The following RBFOX1 variants were observed in gnomAD, a reference collection of about 807,000 sequenced individuals.
RBFOX1 encodes RNA binding fox-1 homolog 1.
In RBFOX1, 8 loss-of-function variants were observed where a neutral mutation model predicts 57.7. That is an observed-to-expected ratio of 0.14 (90% CI 0.08 to 0.25). The LOEUF (loss-of-function observed/expected upper bound fraction) is 0.25, where lower values mean the gene tolerates loss of function less well. Among genes scored for constraint, RBFOX1 ranks in the 10% least tolerant of loss-of-function variants. The probability of loss-of-function intolerance (pLI) is 1.00; values close to 1 mark genes in which losing one functional copy is unlikely to be tolerated. For synonymous variants in RBFOX1, 326 were observed against 222.4 expected (o/e 1.47, Z -4.15); for missense variants, 611 against 548.5 (o/e 1.11, Z -1.14).
chr16:6,101,331 A>G (rs2096305178), intron 1 of RBFOX1, among the ~76,000 whole-genome samples: 1 of 152,204 alleles, frequency 6.6e-6, no homozygotes, highest in South Asian at 2.1e-4. Context: ...TAAAAACCAC[A>G]GAGCATTTTC....
chr16:5,588,072 T>A (rs1308669156), intron 2 of RBFOX1, among the ~76,000 whole-genome samples: 13 of 152,180 alleles, frequency 8.5e-5, no homozygotes, highest in Non-Finnish European at 1.5e-5. Flanking sequence ...TGTTTGAACC[T>A]TGGGAACATG....
intron 3 of RBFOX1, among the ~76,000 whole-genome samples, chr16:7,051,800 G>C (rs1008024166): frequency 6.6e-6 from 1 of 152,098 alleles, no homozygotes; most frequent in East Asian, 1.9e-4. Context: ...GGCAGATGCT[G>C]CCTCCCACAC....
chr16:5,906,822 C>T (rs549993424), intron 4 of RBFOX1, among the ~76,000 whole-genome samples: 3 of 149,570 alleles, frequency 2.0e-5, no homozygotes, highest in South Asian at 2.2e-4. Context: ...GCAACCTCCA[C>T]CTCTCGGGGT....
chr16:5,547,616 A>G (rs1388347449), intron 2 of RBFOX1, among the ~76,000 whole-genome samples: 1 of 152,200 alleles, frequency 6.6e-6, no homozygotes, highest in African/African-American at 2.4e-5. Flanking sequence ...GAAGTGGGAA[A>G]GGATGAGAGG....
At chr16:5,645,898 G>C (rs963862887) in intron 3 of RBFOX1, among the ~76,000 whole-genome samples, 3 of 152,174 alleles carry the variant, frequency 2.0e-5, no homozygotes, top group Non-Finnish European at 4.4e-5. Flanking sequence ...GCAATGGCGT[G>C]CATCATAGCT....
At chr16:6,131,435 C>T (rs1319785580) in intron 1 of RBFOX1, among the ~76,000 whole-genome samples, 1 of 152,136 alleles carries the variant, frequency 6.6e-6, no homozygotes, top group Non-Finnish European at 1.5e-5. Flanking sequence ...TATGATCTAG[C>T]CCTTTCTAGA....
chr16:7,357,189 C>T (rs2097231850), intron 4 of RBFOX1, among the ~76,000 whole-genome samples: 1 of 150,422 alleles, frequency 6.6e-6, no homozygotes, highest in Non-Finnish European at 1.5e-5. Context: ...TGCAAGCATA[C>T]ACGCAGTTTT....
chr16:7,461,310 G>A (rs2059542964), intron 4 of RBFOX1, among the ~76,000 whole-genome samples: 1 of 151,968 alleles, frequency 6.6e-6, no homozygotes, highest in Non-Finnish European at 1.5e-5. Flanking sequence ...TGGGATTACA[G>A]ATATGTGCCA....
At chr16:6,467,295 T>G (rs1042511276) in intron 2 of RBFOX1, among the ~76,000 whole-genome samples, 7 of 151,928 alleles carry the variant, frequency 4.6e-5, no homozygotes, top group African/African-American at 1.7e-4. Context: ...TAAATTGAAT[T>G]CCATTAATAT....
chr16:6,418,516 CTTA>C (rs2093685840), intron 2 of RBFOX1, among the ~76,000 whole-genome samples: 1 of 127,656 alleles, frequency 7.8e-6, no homozygotes, highest in East Asian at 2.1e-4. Context: ...TTCTGCAAGC[CTTA>C]TTTTTTTTTT....
intron 3 of RBFOX1, 118 bp downstream of exon 3, chr16:6,654,768 G>C: frequency 1.5e-6 from 1 of 681,428 alleles, no homozygotes; most frequent in Non-Finnish European, 2.3e-6. Flanking sequence ...CACGGTCTAT[G>C]ACATATTTAA....
Position 6,927,898 on chromosome 16 carries a change from C to T in RBFOX1, c.-15-124159C>T, listed in dbSNP as rs74383178. Among the ~76,000 whole-genome samples the T allele has an allele frequency of 7.3e-3, 1,114 of 152,320 alleles. 36 individuals carry two copies. The East Asian group carries it at 0.077, about 11-fold the overall frequency. The stretch of plus-strand genomic sequence containing the variant: ...ACATATACTAATAGCATACGCTAAA[C>T]ATCATCTAAACACTAAATATAATGA... On this transcript the variant is annotated intron_variant, in intron 3 of 15. Transcript: ENST00000550418.
At chr16:6,239,886 T>C (rs11641281) in intron 1 of RBFOX1, among the ~76,000 whole-genome samples, 28,135 of 152,118 alleles carry the variant, frequency 0.18, 3,090 homozygotes, top group African/African-American at 0.31. Flanking sequence ...GTGTCTGATA[T>C]AGTTTGGGTA....
At chr16:6,939,324 C>G (rs1053073349) in intron 3 of RBFOX1, among the ~76,000 whole-genome samples, 3 of 151,642 alleles carry the variant, frequency 2.0e-5, no homozygotes, top group Non-Finnish European at 1.5e-5. Flanking sequence ...AATAAATTAC[C>G]TAGAGTCACA....
At chr16:5,502,079 A>G (rs1483207329) in intron 2 of RBFOX1, among the ~76,000 whole-genome samples, 1 of 152,004 alleles carries the variant, frequency 6.6e-6, no homozygotes. Flanking sequence ...GGAGACAGGT[A>G]AGCAGCTACA....
At chr16:6,405,212 G>T (rs1197008959) in intron 2 of RBFOX1, among the ~76,000 whole-genome samples, 3 of 152,136 alleles carry the variant, frequency 2.0e-5, no homozygotes, top group Admixed American at 6.5e-5. Flanking sequence ...TATCATACAA[G>T]AGCAGATGGC....
intron 4 of RBFOX1, among the ~76,000 whole-genome samples, chr16:7,441,913 A>C (rs1384040571): frequency 6.6e-6 from 1 of 152,196 alleles, no homozygotes; most frequent in East Asian, 1.9e-4. Context: ...AAACGTGCCC[A>C]GAGATGCTGG....
At chr16:7,528,527 G>C (rs1442069114) in intron 5 of RBFOX1, among the ~76,000 whole-genome samples, 1 of 152,012 alleles carries the variant, frequency 6.6e-6, no homozygotes, top group Admixed American at 6.6e-5. Context: ...ACCCAGGCTG[G>C]AGTGCTATGG....
At chr16:7,210,411 A>G (rs1238203868) in intron 4 of RBFOX1, among the ~76,000 whole-genome samples, 1 of 152,142 alleles carries the variant, frequency 6.6e-6, no homozygotes, top group Admixed American at 6.5e-5. Context: ...TTTTGCTCTT[A>G]AGGCCTTTTT....
Sources: gnomAD v4.1 joint callset for allele counts (sites outside exome capture counted in the v4.1 genomes callset) on GRCh38, gnomAD v4.1.1 for gene constraint, MANE v1.5 for transcripts, NCBI Gene and HGNC (gene_info 2026-07-23, HGNC 2026-07-21) for gene names.